Variants in MAN1A1 observed in about 807,000 individuals in gnomAD.
MAN1A1 encodes the protein mannosidase alpha class 1A member 1.
MAN1A1 carries 29 observed loss-of-function variants against 70.8 expected under a neutral mutation model. The ratio of observed to expected loss-of-function variants is 0.41; its 90% CI spans 0.31 to 0.56. The LOEUF is 0.56. Ranked by LOEUF, MAN1A1 falls within the 20% of genes least tolerant of loss-of-function variation. MAN1A1 has a pLI of 0.29. For missense variants in MAN1A1, 747 were observed against 841.3 expected (o/e 0.89, Z 1.39); for synonymous variants, 349 against 330.1 (o/e 1.06, Z -0.62).
intron 6 of MAN1A1, among the ~76,000 whole-genome samples, chr6:119,222,194 A>G (rs1290621928): frequency 1.3e-5 from 2 of 152,228 alleles, no homozygotes; most frequent in Non-Finnish European, 2.9e-5. Flanking sequence ...TACTGTTAGC[A>G]TAAGATAAAT....
chr6:119,246,943 T>G (rs561147625), intron 6 of MAN1A1, among the ~76,000 whole-genome samples: 2 of 152,026 alleles, frequency 1.3e-5, no homozygotes, highest in African/African-American at 4.8e-5. Context: ...AGAGAACGAT[T>G]AATATCTCAG....
intron 6 of MAN1A1, among the ~76,000 whole-genome samples, chr6:119,218,559 TA>T (rs928685895): frequency 2.5e-4 from 36 of 145,306 alleles, no homozygotes; most frequent in South Asian, 4.4e-4. Flanking sequence ...ATAACATCGA[TA>T]AAAAAAAAAA....
chr6:119,277,992 A>AT (rs1776124378), intron 5 of MAN1A1, among the ~76,000 whole-genome samples: 1 of 150,366 alleles, frequency 6.7e-6, no homozygotes, highest in Non-Finnish European at 1.5e-5. Flanking sequence ...TAAATAAAAA[A>AT]AAAGTAATTA....
intron 6 of MAN1A1, among the ~76,000 whole-genome samples, chr6:119,228,712 T>G (rs1026733843): frequency 2.6e-5 from 4 of 152,106 alleles, no homozygotes; most frequent in African/African-American, 9.7e-5. Context: ...AGAATTTTTC[T>G]AAATAAAGAT....
chr6:119,242,289 T>C (rs866564076), intron 6 of MAN1A1, among the ~76,000 whole-genome samples: 41 of 152,292 alleles, frequency 2.7e-4, no homozygotes, highest in African/African-American at 9.1e-4. Context: ...AATTCACTAA[T>C]AAATATAATT....
intron 9 of MAN1A1, among the ~76,000 whole-genome samples, chr6:119,192,410 C>T (rs1773465597): frequency 6.6e-6 from 1 of 152,176 alleles, no homozygotes; most frequent in South Asian, 2.1e-4. Context: ...CCAACGTTCT[C>T]ACTAAGGCGC....
chr6:119,287,542 C>T (rs1354825780), intron 5 of MAN1A1, among the ~76,000 whole-genome samples: 4 of 151,628 alleles, frequency 2.6e-5, no homozygotes, highest in African/African-American at 9.7e-5. Flanking sequence ...TAACAGATGT[C>T]ACTTTTTTTT....
chr6:119,336,913 A>C (rs950812196), intron 2 of MAN1A1, among the ~76,000 whole-genome samples: 1 of 152,186 alleles, frequency 6.6e-6, no homozygotes, highest in Non-Finnish European at 1.5e-5. Context: ...GGTAATAAAG[A>C]AAATAAATGA....
intron 11 of MAN1A1, among the ~76,000 whole-genome samples, chr6:119,182,532 T>C (rs1208667002): frequency 6.6e-6 from 1 of 151,856 alleles, no homozygotes; most frequent in African/African-American, 2.4e-5. Context: ...TTTTTTTTTT[T>C]GTGCTGTTTA....
At chr6:119,293,091 G>A (rs879148849) in intron 4 of MAN1A1, among the ~76,000 whole-genome samples, 2 of 152,060 alleles carry the variant, frequency 1.3e-5, no homozygotes, top group Admixed American at 1.3e-4. Context: ...CTGTTAAGAT[G>A]ATCTTATATT....
intron 6 of MAN1A1, among the ~76,000 whole-genome samples, chr6:119,222,326 A>ATTTTTTTTTTTT (rs35446116): frequency 8.7e-6 from 1 of 115,314 alleles, no homozygotes; most frequent in Non-Finnish European, 1.8e-5. Flanking sequence ...TTTTTTAAGG[A>ATTTTTTTTTTTT]TTTTTTTTTT....
intron 2 of MAN1A1, among the ~76,000 whole-genome samples, chr6:119,322,621 T>C (rs1183349380): frequency 1.3e-5 from 2 of 152,202 alleles, no homozygotes; most frequent in African/African-American, 4.8e-5. Flanking sequence ...AATTATATAA[T>C]ATACATAGAC....
At chr6:119,275,598 G>T (rs1473477743) in intron 5 of MAN1A1, among the ~76,000 whole-genome samples, 1 of 139,692 alleles carries the variant, frequency 7.2e-6, no homozygotes, top group Non-Finnish European at 1.6e-5. Context: ...GAGCCACCGC[G>T]CCCGGCCTAA....
chr6:119,342,286 C>G (rs1773616577), intron 2 of MAN1A1, among the ~76,000 whole-genome samples: 1 of 151,728 alleles, frequency 6.6e-6, no homozygotes, highest in Non-Finnish European at 1.5e-5. Flanking sequence ...TTTTTGATAC[C>G]CTTTTGAAAC....
chr6:119,203,798 C>T (rs961341003), intron 7 of MAN1A1, among the ~76,000 whole-genome samples: 5 of 152,068 alleles, frequency 3.3e-5, no homozygotes, highest in Non-Finnish European at 7.4e-5. Context: ...ACTTGTCTAT[C>T]GGGCCTCTTA....
intron 5 of MAN1A1, among the ~76,000 whole-genome samples, chr6:119,252,679 A>C (rs946177303): frequency 3.3e-5 from 5 of 152,086 alleles, no homozygotes; most frequent in African/African-American, 1.2e-4. Flanking sequence ...GCAGTCCCAG[A>C]TACTTGGGAG....
chr6:119,350,420 C>G (rs552773059), upstream of MAN1A1: 37 of 424,392 alleles, frequency 8.7e-5, 1 homozygote, highest in South Asian at 3.3e-3. Flanking sequence ...CAGTTCTGTG[C>G]TTGCTTAGGA....
At chr6:119,303,990 A>G (rs1772466169) in intron 3 of MAN1A1, among the ~76,000 whole-genome samples, 1 of 152,206 alleles carries the variant, frequency 6.6e-6, no homozygotes, top group South Asian at 2.1e-4. Flanking sequence ...CCGATCCTGC[A>G]CTCAGGAGCA....
At chr6:119,308,918 C>T (rs1225061557) in intron 2 of MAN1A1, among the ~76,000 whole-genome samples, 1 of 152,066 alleles carries the variant, frequency 6.6e-6, no homozygotes, top group African/African-American at 2.4e-5. Flanking sequence ...TACAATGTAC[C>T]ACTAGTAAAG....
Sources: gnomAD v4.1 joint callset for allele counts (sites outside exome capture counted in the v4.1 genomes callset) on GRCh38, gnomAD v4.1.1 for gene constraint, MANE v1.5 for transcripts, NCBI Gene and HGNC (gene_info 2026-07-23, HGNC 2026-07-21) for gene names.